HDGFL2: variants seen among roughly 807,000 people sequenced by gnomAD.
The protein encoded by HDGFL2 is HDGF like 2.
In HDGFL2, 36 loss-of-function variants were observed where a neutral mutation model predicts 77.1. The observed-to-expected ratio is 0.47, with a 90% CI of 0.36 to 0.62. The LOEUF is 0.62. Among genes scored for constraint, HDGFL2 ranks in the 20% least tolerant of loss-of-function variants. The probability of loss-of-function intolerance (pLI) is 0.00; values close to 1 mark genes in which losing one functional copy is unlikely to be tolerated. For synonymous variants in HDGFL2, 463 were observed against 413.1 expected (o/e 1.12, Z -1.46); for missense variants, 976 against 973.4 (o/e 1.00, Z -0.04).
At chr19:4,494,130 G>A in intron 8 of HDGFL2, 36 bp from the exon 9 acceptor site, 1 of 1,496,494 alleles carries the variant, frequency 6.7e-7, no homozygotes. Flanking sequence ...TCCTGAGGGA[G>A]GAACGGAGGT....
chr19:4,472,430 C>G lies in HDGFL2; in HGVS notation c.72+8C>G. 1.3e-5 allele frequency: 9 copies of G among 692,840 alleles called. No individual in the cohort carries two copies. Among genetic ancestry groups the G allele is most frequent in the Non-Finnish European group, 1.8e-5 (9 of 497,310 alleles). The allele number at this position is 692,840 out of a possible 1,614,324, so 42.9% of individuals were successfully genotyped here. On this transcript the variant is annotated splice_region_variant and intron_variant, in intron 1 of 15. Coordinates refer to ENST00000616600, the MANE Select transcript of HDGFL2 (RefSeq NM_001001520.3). ...CCTCACTGGCCTGCCAGGGTGAGGC[C>G]GCGCGGGAGATGGGGCCGGTGGGGG...
Position 4,491,894 on chromosome 19 carries a change from A to G in HDGFL2, c.678+59A>G, listed in dbSNP as rs113749293. The G allele has an allele frequency of 3.5e-4, 522 of 1,479,018 alleles. 1 individual carries two copies. Among genetic ancestry groups the G allele is most frequent in the African/African-American group, 3.4e-3 (245 of 72,316 alleles). The allele number at this position is 1,479,018 out of a possible 1,614,324, so 91.6% of individuals were successfully genotyped here. A position where few individuals can be genotyped will look rare whatever the true frequency, so the allele number is the denominator to read the frequency against. ...CTCGTGGGGCACCTCTGCGGTCTCC[A>G]GTGCTGTCCCCAGGGCAGGGCGGGC... On this transcript the variant is annotated intron_variant, in intron 6 of 15. Coordinates refer to ENST00000616600, the MANE Select transcript of HDGFL2 (RefSeq NM_001001520.3).
chr19:4,496,924 A>G (rs1466443706), intron 10 of HDGFL2: 1 of 392,214 alleles, frequency 2.5e-6, no homozygotes, highest in Non-Finnish European at 5.0e-6. Flanking sequence ...CACAGGCTGG[A>G]GTGCAATGGC....
In HDGFL2 at chr19:4,493,687, C is replaced by G. The variant is rs1244139956; in HGVS notation, c.679-16C>G. The stretch of plus-strand genomic sequence containing the variant: ...TGGGGCTCCTGATGCTCACGCCTGT[C>G]CCTGCTTCTCCCCAGAAGGCGCCAT... On this transcript the variant is annotated splice_polypyrimidine_tract_variant and intron_variant, in intron 6 of 15. Transcript: ENST00000616600. The G allele has an allele frequency of 1.5e-5, 21 of 1,447,772 alleles. No homozygotes were observed. The highest frequency in any genetic ancestry group is 7.9e-5 in the East Asian group (3 of 38,112). The allele number at this position is 1,447,772 out of a possible 1,614,324, so 89.7% of individuals were successfully genotyped here.
intron 3 of HDGFL2, among the ~76,000 whole-genome samples, chr19:4,483,239 G>A (rs992561249): frequency 2.0e-5 from 3 of 152,190 alleles, no homozygotes; most frequent in African/African-American, 4.8e-5. Flanking sequence ...GAGCGGTGAC[G>A]CTTCACCACA....
chr19:4,480,881 G>A (rs180950190), intron 3 of HDGFL2, among the ~76,000 whole-genome samples: 11 of 151,810 alleles, frequency 7.2e-5, no homozygotes, highest in African/African-American at 2.4e-4. Context: ...TTTTTAGACT[G>A]AGTCTCACTC....
At chr19:4,483,283 GGCCGCTAGCCTGCGGCTGTGC>G (rs1975268426) in intron 3 of HDGFL2, among the ~76,000 whole-genome samples, 1 of 152,176 alleles carries the variant, frequency 6.6e-6, no homozygotes, top group Non-Finnish European at 1.5e-5. Context: ...GCTGATTGGG[GGCCGCTAGCCTGCGGCTGTGC>G]GCACGGAGGC....
At chr19:4,480,963 TCTC>T (rs1219154071) in intron 3 of HDGFL2, among the ~76,000 whole-genome samples, 2 of 150,938 alleles carry the variant, frequency 1.3e-5, no homozygotes. Flanking sequence ...TTCAAGCTAT[TCTC>T]CTGCTTTGGC....
intron 9 of HDGFL2, among the ~76,000 whole-genome samples, chr19:4,494,790 C>A (rs113592147): frequency 6.6e-6 from 1 of 152,022 alleles, no homozygotes; most frequent in Admixed American, 6.6e-5. Flanking sequence ...TGGTGGTGTG[C>A]GCCTGTATAG....
At chr19:4,484,661 G>A (rs1218874356) in intron 3 of HDGFL2, among the ~76,000 whole-genome samples, 2 of 60,420 alleles carry the variant, frequency 3.3e-5, no homozygotes, top group African/African-American at 7.3e-5. Context: ...CATCACGCCT[G>A]GCTAATTTTT....
At chr19:4,486,956 ACT>A (rs1975377959) in intron 3 of HDGFL2, among the ~76,000 whole-genome samples, 1 of 145,288 alleles carries the variant, frequency 6.9e-6, no homozygotes, top group Admixed American at 6.9e-5. Flanking sequence ...AGTGCTAAAC[ACT>A]CTCCTCTCTC....
chr19:4,495,718 C>T (rs1294079097), intron 9 of HDGFL2, among the ~76,000 whole-genome samples: 5 of 152,090 alleles, frequency 3.3e-5, no homozygotes, highest in East Asian at 1.9e-4. Context: ...CGGGTGCTCT[C>T]GGGTGCCCTC....
chr19:4,499,629 G>T lies in HDGFL2; in HGVS notation c.1714G>T (p.Glu572Ter). The change falls in exon 14 of 16, where the codon GAG becomes TAG. Residue 572 changes from glutamate (E) to a stop codon, truncating the protein, a stop_gained. Transcript: ENST00000616600. LOFTEE classifies it high-confidence loss of function. Reference protein sequence around the residue: ...NKAGMEKEKAEEKLAGEELAG... With the variant: ...NKAGMEKEKA ...GGCTGGGATGGAGAAGGAGAAGGCC[G>T]AGGAGAAGCTGGCCGGGGAGGAGCT... is the stretch of plus-strand genomic sequence containing the variant. 1 of 1,596,108 alleles carries T rather than the reference G, an allele frequency of 6.3e-7. No individual in the cohort carries two copies. Among genetic ancestry groups the T allele is most frequent in the Non-Finnish European group, 8.5e-7 (1 of 1,171,158 alleles).
intron 3 of HDGFL2, among the ~76,000 whole-genome samples, chr19:4,480,709 A>C (rs1975190839): frequency 6.6e-6 from 1 of 151,224 alleles, no homozygotes; most frequent in Non-Finnish European, 1.5e-5. Context: ...ATAGAGTGAG[A>C]CTCCGTCTCA....
intron 3 of HDGFL2, among the ~76,000 whole-genome samples, chr19:4,488,315 T>C (rs751827210): frequency 2.0e-4 from 31 of 152,328 alleles, no homozygotes; most frequent in East Asian, 9.6e-4. Context: ...CGGCACTGTC[T>C]TAGGTGCTCC....
chr19:4,490,131 A>G (rs1373386487), intron 4 of HDGFL2, among the ~76,000 whole-genome samples: 1 of 152,190 alleles, frequency 6.6e-6, no homozygotes, highest in Non-Finnish European at 1.5e-5. Context: ...TCTGTCGCCC[A>G]GGCTGGAGTG....
At chr19:4,480,941 C>G (rs576812045) in intron 3 of HDGFL2, among the ~76,000 whole-genome samples, 161 of 151,862 alleles carry the variant, frequency 1.1e-3, no homozygotes, top group African/African-American at 3.6e-3. Flanking sequence ...ACTGCAACCT[C>G]CACCTCCCGG....
chr19:4,478,327 C>T (rs545511676), intron 3 of HDGFL2, among the ~76,000 whole-genome samples: 1 of 151,124 alleles, frequency 6.6e-6, no homozygotes, highest in Non-Finnish European at 1.5e-5. Flanking sequence ...CTCAGCCTCC[C>T]GAGTAGCTGG....
rs1046505079 is a variant in HDGFL2, at chr19:4,500,059, C to G, written c.1789+355C>G. Among the ~76,000 whole-genome samples, 6 of 152,174 alleles carry G rather than the reference C, an allele frequency of 3.9e-5. No individual in the cohort carries two copies. The South Asian group carries it at 8.3e-4, about 21-fold the overall frequency. On this transcript the variant is annotated intron_variant, in intron 14 of 15. Coordinates refer to ENST00000616600, the MANE Select transcript of HDGFL2 (RefSeq NM_001001520.3). ...GGGGGCAAAGAGTGGGGGCATTGTT[C>G]AGAGAGGCAGTCGGTGGAGGCTCGG...
Sources: gnomAD v4.1 joint callset for allele counts (sites outside exome capture counted in the v4.1 genomes callset) on GRCh38, gnomAD v4.1.1 for gene constraint, MANE v1.5 for transcripts, NCBI Gene and HGNC (gene_info 2026-07-23, HGNC 2026-07-21) for gene names.